The following RASA2 variants were observed in gnomAD, a reference collection of about 807,000 sequenced individuals.
The protein encoded by RASA2 is RAS p21 protein activator 2, also known as ras GTPase-activating protein 2.
A neutral mutation model predicts 118.2 loss-of-function variants in RASA2; 155 were observed. The observed-to-expected ratio is 1.31, with a 90% CI of 1.15 to 1.50. The LOEUF is 1.50. RASA2 is among the 40% of genes most tolerant of loss of function. The pLI is 0.00. For synonymous variants in RASA2, 353 were observed against 349.1 expected, an observed-to-expected ratio of 1.01 and a Z score of -0.12; for missense variants, 1,016 against 1,009.6, an observed-to-expected ratio of 1.01 and a Z score of -0.09.
chr3:141,501,763 G>C (rs1056611509), intron 1 of RASA2, among the ~76,000 whole-genome samples: 1 of 152,084 alleles, frequency 6.6e-6, no homozygotes, highest in African/African-American at 2.4e-5. Context: ...TATGGAATTA[G>C]ATTGGCACAA....
At chr3:141,605,031 A>G (rs946725080) in intron 19 of RASA2, among the ~76,000 whole-genome samples, 2 of 151,990 alleles carry the variant, frequency 1.3e-5, no homozygotes, top group Non-Finnish European at 2.9e-5. Context: ...ACTAGCTTCC[A>G]TTGCTGCTGA....
Position 141,586,696 on chromosome 3 carries a change from T to G in RASA2, c.1877T>G (p.Phe626Cys). 1 of 1,613,722 alleles carries G rather than the reference T, an allele frequency of 6.2e-7. No homozygotes were observed. The highest frequency in any genetic ancestry group is 8.5e-7 in the Non-Finnish European group (1 of 1,179,764). The change falls in exon 19 of 24, where the codon TTT becomes TGT. Residue 626 changes from phenylalanine to cysteine, a missense_variant. Phe to Cys is a radical substitution (Grantham distance 205). Transcript: ENST00000286364. ...QGRTRIGKKN[F>C]KKRWFCLTSR... ...AGAACTCGGATTGGAAAAAAGAATT[T>G]TAAGAAACGATGGTTCTGCTTAACA...
intron 4 of RASA2, among the ~76,000 whole-genome samples, chr3:141,539,251 T>G (rs2082372886): frequency 6.6e-6 from 1 of 152,208 alleles, no homozygotes; most frequent in African/African-American, 2.4e-5. Context: ...TTTATGAATA[T>G]TTGTGCCTAG....
chr3:141,603,335 C>A (rs923253871), intron 19 of RASA2, among the ~76,000 whole-genome samples: 11 of 152,060 alleles, frequency 7.2e-5, no homozygotes, highest in African/African-American at 2.7e-4. Flanking sequence ...CTTTAGGAGG[C>A]CAAGGCGGGT....
chr3:141,527,559 A>G lies in RASA2; in HGVS notation c.356-2149A>G, dbSNP rs138390273. On this transcript the variant is annotated intron_variant, in intron 3 of 23. Transcript: ENST00000286364. Reference sequence around the variant, plus strand: ...CTGTTATGCATTGCCTTAACATTTTATTTATGTCTGGTGTGGAATCTGTGG... The same window carrying G: ...CTGTTATGCATTGCCTTAACATTTTGTTTATGTCTGGTGTGGAATCTGTGG... Among the ~76,000 whole-genome samples the G allele has an allele frequency of 1.9e-3, 285 of 152,148 alleles. 3 individuals are homozygous for G. Among genetic ancestry groups the G allele is most frequent in the South Asian group, 0.011 (54 of 4,826 alleles).
At chr3:141,495,592 A>G (rs1577635508) in intron 1 of RASA2, among the ~76,000 whole-genome samples, 1 of 152,092 alleles carries the variant, frequency 6.6e-6, no homozygotes, top group East Asian at 1.9e-4. Context: ...GTTTAGGGAA[A>G]TAAGTATTTT....
At chr3:141,608,056 C>T (rs2083575847) in intron 20 of RASA2, among the ~76,000 whole-genome samples, 1 of 152,182 alleles carries the variant, frequency 6.6e-6, no homozygotes, top group Non-Finnish European at 1.5e-5. Context: ...TACTGCTGTA[C>T]ATGATATTCA....
At chr3:141,519,712 T>C (rs9289633) in intron 3 of RASA2, among the ~76,000 whole-genome samples, 152,159 of 152,242 alleles carry the variant, frequency 1, 76,038 homozygotes, top group Middle Eastern at 1. Context: ...TGTAGCAAAC[T>C]GTTGATTATA....
chr3:141,563,384 A>C (rs535819635), intron 9 of RASA2, among the ~76,000 whole-genome samples: 2 of 152,304 alleles, frequency 1.3e-5, no homozygotes, highest in South Asian at 4.1e-4. Flanking sequence ...GCTCTAATTC[A>C]TACAGAATTA....
chr3:141,588,444 C>T (rs192272584), intron 19 of RASA2, among the ~76,000 whole-genome samples: 97 of 152,272 alleles, frequency 6.4e-4, no homozygotes, highest in Middle Eastern at 3.4e-3. Context: ...TGTAGCACCC[C>T]GTGAGCAACA....
At chr3:141,506,637 G>C (rs2081871075) in intron 1 of RASA2, among the ~76,000 whole-genome samples, 1 of 152,158 alleles carries the variant, frequency 6.6e-6, no homozygotes, top group Non-Finnish European at 1.5e-5. Context: ...TCCCAGCCAG[G>C]CATGGTAGCT....
intron 1 of RASA2, among the ~76,000 whole-genome samples, chr3:141,510,493 A>G (rs149548283): frequency 6.4e-4 from 98 of 152,336 alleles, no homozygotes; most frequent in African/African-American, 2.3e-3. Context: ...TTGGGCCTCA[A>G]GAATGAGGGA....
At chr3:141,574,455 T>C (rs1026789146) in intron 14 of RASA2, among the ~76,000 whole-genome samples, 4 of 152,138 alleles carry the variant, frequency 2.6e-5, no homozygotes, top group African/African-American at 9.7e-5. Context: ...TCCCAAAGTT[T>C]CTGGGATTAC....
At chr3:141,576,920 T>A in intron 14 of RASA2, 80 bp from the exon 15 acceptor site, 1 of 902,752 alleles carries the variant, frequency 1.1e-6, no homozygotes, top group Non-Finnish European at 1.7e-6. Flanking sequence ...AGTTTACATG[T>A]CTTTTCTATA....
chr3:141,537,077 G>A (rs958642072), intron 4 of RASA2, among the ~76,000 whole-genome samples: 1 of 151,992 alleles, frequency 6.6e-6, no homozygotes, highest in Non-Finnish European at 1.5e-5. Flanking sequence ...TTACTTCTTC[G>A]TAGGTTCTTT....
intron 14 of RASA2, among the ~76,000 whole-genome samples, chr3:141,575,064 A>G (rs893975336): frequency 3.9e-5 from 6 of 152,222 alleles, no homozygotes; most frequent in African/African-American, 1.4e-4. Flanking sequence ...AACTTGCTAT[A>G]GGTAGCTTTC....
intron 5 of RASA2, among the ~76,000 whole-genome samples, chr3:141,549,302 A>G (rs552909842): frequency 1.3e-5 from 2 of 151,932 alleles, no homozygotes; most frequent in African/African-American, 2.4e-5. Context: ...TCTCTCCTAC[A>G]TGGTTCTCAC....
intron 6 of RASA2, among the ~76,000 whole-genome samples, chr3:141,555,108 A>G (rs376713391): frequency 6.6e-6 from 1 of 152,186 alleles, no homozygotes; most frequent in South Asian, 2.1e-4. Context: ...CTAAAAATAC[A>G]GAATTAGCTG....
chr3:141,501,352 G>A (rs1448254785), intron 1 of RASA2, among the ~76,000 whole-genome samples: 1 of 152,194 alleles, frequency 6.6e-6, no homozygotes, highest in Non-Finnish European at 1.5e-5. Flanking sequence ...CTAATGGCTT[G>A]GATGAAGGGA....
Sources: allele counts gnomAD v4.1 joint callset (sites outside exome capture counted in the v4.1 genomes callset), GRCh38; gene constraint gnomAD v4.1.1; transcripts MANE v1.5; gene names NCBI Gene and HGNC (gene_info 2026-07-23, HGNC 2026-07-21).